The following EPB41L1 variants were observed in gnomAD, a reference collection of about 807,000 sequenced individuals.
The protein encoded by EPB41L1 is band 4.1-like protein 1.
In EPB41L1, 29 loss-of-function variants were observed where a neutral mutation model predicts 97.8. That is an observed-to-expected ratio of 0.30 (90% CI 0.22 to 0.40). The LOEUF (loss-of-function observed/expected upper bound fraction) is 0.40, where lower values mean the gene tolerates loss of function less well. EPB41L1 is among the 10% of genes least tolerant of loss of function. The pLI is 1.00. For synonymous variants in EPB41L1, 383 were observed against 459.2 expected, an observed-to-expected ratio of 0.83 and a Z score of 2.12; for missense variants, 812 against 1,162.3, an observed-to-expected ratio of 0.70 and a Z score of 4.38.
chr20:36,135,163 T>C (rs2059371248), intron 2 of EPB41L1, among the ~76,000 whole-genome samples: 1 of 152,174 alleles, frequency 6.6e-6, no homozygotes, highest in African/African-American at 2.4e-5. Context: ...GCACCCAGCC[T>C]ACTTTGTATT....
At chr20:36,100,217 T>G (rs2057966976) in intron 1 of EPB41L1, among the ~76,000 whole-genome samples, 1 of 152,234 alleles carries the variant, frequency 6.6e-6, no homozygotes, top group Non-Finnish European at 1.5e-5. Context: ...GTCATCTTCC[T>G]TTCCCCCCAC....
At chr20:36,228,740 T>G (rs2064332931) in intron 21 of EPB41L1, among the ~76,000 whole-genome samples, 2 of 152,190 alleles carry the variant, frequency 1.3e-5, no homozygotes, top group Non-Finnish European at 2.9e-5. Flanking sequence ...ATTTCTTTAT[T>G]TAAACACTGC....
At chr20:36,185,778 A>G (rs925426880) in intron 7 of EPB41L1, among the ~76,000 whole-genome samples, 4 of 152,280 alleles carry the variant, frequency 2.6e-5, no homozygotes, top group Non-Finnish European at 5.9e-5. Context: ...TTCACTTCCT[A>G]TGCTTTGGTT....
chr20:36,140,197 G>A lies in EPB41L1; in HGVS notation c.-10+27717G>A, dbSNP rs1191549892. ...AGCCTCCTGAGTAGCAGGGACTACA[G>A]GTGCGCGCCACCACACCTGGCTACT... On this transcript the variant is annotated intron_variant, in intron 2 of 19. Coordinates refer to the EPB41L1 transcript ENST00000202028. Among the ~76,000 whole-genome samples, 9 of 151,710 alleles carry A rather than the reference G, an allele frequency of 5.9e-5. No individual in the cohort carries two copies. The South Asian group carries it at 1.7e-3, about 28-fold the overall frequency.
intron 2 of EPB41L1, among the ~76,000 whole-genome samples, chr20:36,131,244 G>C (rs2059196910): frequency 6.6e-6 from 1 of 151,934 alleles, no homozygotes; most frequent in Non-Finnish European, 1.5e-5. Context: ...CAAAGTGCTG[G>C]GATTTCAGGC....
At chr20:36,178,984 C>T (rs1451967992) in intron 5 of EPB41L1, among the ~76,000 whole-genome samples, 1 of 150,838 alleles carries the variant, frequency 6.6e-6, no homozygotes, top group Admixed American at 6.6e-5. Context: ...CTGCCTCAAG[C>T]GATTCTCTTG....
Position 36,123,355 on chromosome 20 carries a change from G to A in EPB41L1, c.-10+10875G>A, listed in dbSNP as rs1236676578. 3.3e-5 allele frequency among the ~76,000 whole-genome samples: 5 copies of A among 152,242 alleles called. No individual in the cohort carries two copies. The South Asian group carries it at 6.2e-4, about 19-fold the overall frequency. On this transcript the variant is annotated intron_variant, in intron 2 of 19. Coordinates refer to the EPB41L1 transcript ENST00000202028. The stretch of plus-strand genomic sequence containing the variant: ...GACACTGGGAAAATTGTGTACTTTC[G>A]CTGCACCTCAGTTTCCCGATCTAAC...
intron 1 of EPB41L1, among the ~76,000 whole-genome samples, chr20:36,094,480 G>T (rs2147446654): frequency 6.6e-6 from 1 of 152,292 alleles, no homozygotes; most frequent in African/African-American, 2.4e-5. Context: ...GGAAGAAATT[G>T]TTCAGAGAGA....
In EPB41L1 at chr20:36,178,649, A is replaced by G. The variant is rs1046504276; in HGVS notation, c.467A>G (p.Lys156Arg). ...DSQKNWLDPSKEIKKQIRSSP... is the reference protein window; with the variant it reads ...DSQKNWLDPSREIKKQIRSSP... ...TTTTAGAACTGGCTGGACCCCTCCAAGGAGATCAAGAAGCAGATCCGGAGT... is the reference window on the plus strand; with the variant it reads ...TTTTAGAACTGGCTGGACCCCTCCAGGGAGATCAAGAAGCAGATCCGGAGT... The change falls in exon 5 of 22, where the codon AAG (lysine) becomes AGG (arginine). Residue 156 changes from lysine to arginine, a missense_variant. Lys to Arg is a conservative substitution (Grantham distance 26). This residue lies in a region of EPB41L1 where 230 missense variants were observed against 445.2 expected (regional missense o/e 0.52). Coordinates refer to ENST00000338074, the MANE Select transcript of EPB41L1 (RefSeq NM_012156.2). The G allele has an allele frequency of 1.9e-6, 3 of 1,614,130 alleles. No homozygotes were observed. The highest frequency in any genetic ancestry group is 2.5e-6 in the Non-Finnish European group (3 of 1,180,024).
In EPB41L1 at chr20:36,182,279, C is replaced by A. The variant is rs781043817; in HGVS notation, c.498C>A (p.Pro166=). 3 of 1,614,060 alleles carry A rather than the reference C, an allele frequency of 1.9e-6. No homozygotes were observed. In the South Asian group the frequency reaches 3.3e-5, roughly 18 times the overall value. ...TCTCCCATCTCCTCTCAGGTAGCCC[C>A]TGGAATTTTGCCTTCACAGTCAAGT... ...KEIKKQIRSS[P]WNFAFTVKFY... Residue 166 remains proline (P), a synonymous_variant, in exon 6 of 22, where the codon CCC becomes CCA. Coordinates refer to ENST00000338074, the MANE Select transcript of EPB41L1 (RefSeq NM_012156.2).
At chr20:36,198,095 T>C in intron 14 of EPB41L1, 54 bp downstream of exon 14, 1 of 1,520,062 alleles carries the variant, frequency 6.6e-7, no homozygotes. Context: ...AGACATTGGG[T>C]TGCTGCATCC....
At position 36,212,358 on chromosome 20, in the gene EPB41L1, C is replaced by T. The variant is rs138806418; in HGVS notation, c.2166C>T (p.Ser722=). 1.5e-5 allele frequency: 24 copies of T among 1,614,038 alleles called. No individual in the cohort carries two copies. The highest frequency in any genetic ancestry group is 1.6e-4 in the Middle Eastern group (1 of 6,084). ...AGGCCGTACTGCAGACCAGAGTCTC[C>T]GCTATGGATAACACCCAGGTAACTT... ...EPEAVLQTRV[S]AMDNTQQVDG... is the part of the protein sequence containing the mutation. The change falls in exon 16 of 22, where the codon TCC becomes TCT. Residue 722 remains serine (S), a synonymous_variant. Transcript: ENST00000338074. The surrounding 1 kb of genome is among the most constrained non-coding windows in gnomAD (Gnocchi z 4.8).
rs530456798 is a variant in EPB41L1 at position 36,205,496 on chromosome 20, G to A, written c.1669-3992G>A. On this transcript the variant is annotated intron_variant, in intron 14 of 21. Transcript: ENST00000338074. The stretch of plus-strand genomic sequence containing the variant: ...GGAAATGACTTTCCCCTCTGACGGT[G>A]GCAGTTATGTTATTAAAAGAGGAAG... Among the ~76,000 whole-genome samples the A allele has an allele frequency of 2.2e-4, 33 of 152,300 alleles. 1 individual carries two copies. The highest frequency in any genetic ancestry group is 7.7e-4 in the African/African-American group (32 of 41,556).
At chr20:36,114,397 A>T (rs549057713) in intron 2 of EPB41L1, among the ~76,000 whole-genome samples, 1 of 152,140 alleles carries the variant, frequency 6.6e-6, no homozygotes, top group South Asian at 2.1e-4. Flanking sequence ...GGGTCAGGGT[A>T]TTCTTGAGAA....
intron 2 of EPB41L1, among the ~76,000 whole-genome samples, chr20:36,140,429 C>T (rs2059596449): frequency 6.6e-6 from 1 of 152,036 alleles, no homozygotes; most frequent in Non-Finnish European, 1.5e-5. Context: ...ATGTCAGACA[C>T]AATTGTTTTT....
chr20:36,132,937 C>T lies in EPB41L1; in HGVS notation c.-10+20457C>T, dbSNP rs137973851. 2.3e-4 allele frequency among the ~76,000 whole-genome samples: 35 copies of T among 152,364 alleles called. 1 individual carries two copies. In the East Asian group the frequency reaches 2.5e-3, roughly 11 times the overall value. The stretch of plus-strand genomic sequence containing the variant: ...CCACCATCACTGCTGTGTGTGTACA[C>T]GTGCTTGTGGGTGTGTGCACTCATC... On this transcript the variant is annotated intron_variant, in intron 2 of 19. Transcript: ENST00000202028.
In EPB41L1 at chr20:36,221,886, A is replaced by G. The variant is rs1464877952; in HGVS notation, c.2462A>G (p.Glu821Gly). ...VTKTVKGGFS[E>G]TRIEKRIIIT... is the part of the protein sequence containing the mutation. ...CAGACTGTGAAAGGAGGGTTTTCTGAGACAAGGATCGAGAAGCGAATCATC... is the reference window on the plus strand; with the variant it reads ...CAGACTGTGAAAGGAGGGTTTTCTGGGACAAGGATCGAGAAGCGAATCATC... The change falls in exon 20 of 22, where the codon GAG becomes GGG. Residue 821 changes from glutamate to glycine, a missense_variant. Physicochemically the swap from Glu to Gly is moderately conservative, Grantham distance 98. Coordinates refer to ENST00000338074, the MANE Select transcript of EPB41L1 (RefSeq NM_012156.2). The G allele has an allele frequency of 6.2e-7, 1 of 1,614,056 alleles. No individual in the cohort carries two copies. Among genetic ancestry groups the G allele is most frequent in the Non-Finnish European group, 8.5e-7 (1 of 1,180,042 alleles).
chr20:36,181,583 G>C (rs1230127436), intron 5 of EPB41L1, among the ~76,000 whole-genome samples: 1 of 152,132 alleles, frequency 6.6e-6, no homozygotes, highest in Non-Finnish European at 1.5e-5. Context: ...CTGAGATGGA[G>C]TCAACATGAT....
intron 1 of EPB41L1, among the ~76,000 whole-genome samples, chr20:36,168,282 G>A (rs2145786979): frequency 6.6e-6 from 1 of 152,322 alleles, no homozygotes; most frequent in South Asian, 2.1e-4. Flanking sequence ...AAGTACAGGC[G>A]CTGTCAGCAT....
Sources: gnomAD v4.1 joint callset for allele counts (sites outside exome capture counted in the v4.1 genomes callset) on GRCh38, gnomAD v4.1.1 for gene constraint, gnomAD v4.1.1 regional missense constraint, Gnocchi (gnomAD v3.1) non-coding constraint, MANE v1.5 for transcripts, NCBI Gene and HGNC (gene_info 2026-07-23, HGNC 2026-07-21) for gene names.